The following ADSS2 variants were observed in gnomAD, a reference collection of about 807,000 sequenced individuals.
ADSS2 encodes the protein adenylosuccinate synthetase isozyme 2.
ADSS2 carries 30 observed loss-of-function variants against 60.0 expected under a neutral mutation model. The observed-to-expected ratio is 0.50, with a 90% CI of 0.37 to 0.68. ADSS2 has a LOEUF of 0.68. Among genes scored for constraint, ADSS2 ranks in the 30% least tolerant of loss-of-function variants. ADSS2 has a pLI of 0.00. For missense variants in ADSS2, 373 were observed against 554.8 expected, an observed-to-expected ratio of 0.67 and a Z score of 3.29; for synonymous variants, 187 against 193.1, an observed-to-expected ratio of 0.97 and a Z score of 0.26.
chr1:244,426,352 T>C (rs920619462), intron 4 of ADSS2, among the ~76,000 whole-genome samples: 7 of 152,202 alleles, frequency 4.6e-5, no homozygotes, highest in Admixed American at 1.3e-4. Flanking sequence ...CAGAAATTAA[T>C]TTAGTACCTT....
At chr1:244,445,782 T>A (rs1386488731) in intron 1 of ADSS2, among the ~76,000 whole-genome samples, 1 of 152,202 alleles carries the variant, frequency 6.6e-6, no homozygotes, top group African/African-American at 2.4e-5. Flanking sequence ...CAAGTGCATT[T>A]CTGCTGTGGT....
Position 244,443,975 on chromosome 1 carries a change from C to T in ADSS2, c.184-6207G>A, listed in dbSNP as rs918093100. On this transcript the variant is annotated intron_variant, in intron 1 of 12. Coordinates refer to ENST00000366535, the MANE Select transcript of ADSS2 (RefSeq NM_001126.5). ...TACTTCTGAAATATACCCTACCCCCCACCAACACCCCAAGAAACAAAAAAC... is the reference window on the plus strand; with the variant it reads ...TACTTCTGAAATATACCCTACCCCCTACCAACACCCCAAGAAACAAAAAAC... Among the ~76,000 whole-genome samples the T allele has an allele frequency of 6.6e-5, 10 of 152,294 alleles. No individual in the cohort carries two copies. In the South Asian group the frequency reaches 8.3e-4, roughly 13 times the overall value.
chr1:244,428,683 G>A (rs1485807462), intron 4 of ADSS2, among the ~76,000 whole-genome samples: 1 of 150,948 alleles, frequency 6.6e-6, no homozygotes, highest in Admixed American at 6.6e-5. Context: ...TTATTTTTTG[G>A]GGAAAAAAAA....
At chr1:244,432,510 G>A (rs752186497) in intron 4 of ADSS2, 35 bp downstream of exon 4, 3 of 1,404,120 alleles carry the variant, frequency 2.1e-6, no homozygotes, top group African/African-American at 1.5e-5. Flanking sequence ...CAGATAAAAA[G>A]ATAGTTACAA....
At chr1:244,411,213 C>T (rs891506738) in intron 12 of ADSS2, 74 bp downstream of exon 12, 221 of 1,387,252 alleles carry the variant, frequency 1.6e-4, no homozygotes, top group Non-Finnish European at 2.0e-4. Context: ...AGCGAGACTC[C>T]GTCTCAAAAA....
intron 1 of ADSS2, among the ~76,000 whole-genome samples, chr1:244,445,836 A>T (rs946743404): frequency 2.0e-5 from 3 of 152,202 alleles, no homozygotes; most frequent in African/African-American, 7.2e-5. Context: ...TGTAAACCTG[A>T]AACAATGGTC....
intron 10 of ADSS2, among the ~76,000 whole-genome samples, chr1:244,417,278 C>A (rs1664555077): frequency 6.6e-6 from 1 of 152,142 alleles, no homozygotes; most frequent in African/African-American, 2.4e-5. Context: ...ACATTAAGCC[C>A]ATGCGCGGAT....
At position 244,448,922 on chromosome 1, in the gene ADSS2, C is replaced by T. The variant is rs369876209; in HGVS notation, c.183+2713G>A. On this transcript the variant is annotated intron_variant, in intron 1 of 12. Coordinates refer to ENST00000366535, the MANE Select transcript of ADSS2 (RefSeq NM_001126.5). ...TTTGACTCCCAGGCTAAGTGATCCC[C>T]TGCAGATACTCAATGTTTACTAGAT... is the stretch of plus-strand genomic sequence containing the variant. Among the ~76,000 whole-genome samples the T allele has an allele frequency of 2.2e-4, 33 of 152,292 alleles. 1 individual carries two copies. Among genetic ancestry groups the T allele is most frequent in the African/African-American group, 7.7e-4 (32 of 41,574 alleles).
chr1:244,429,086 T>C (rs1664871312), intron 4 of ADSS2, among the ~76,000 whole-genome samples: 1 of 152,186 alleles, frequency 6.6e-6, no homozygotes, highest in Non-Finnish European at 1.5e-5. Flanking sequence ...AGCACTTAAA[T>C]TAGCTGTTGG....
At chr1:244,417,535 GA>G in intron 10 of ADSS2, 92 bp downstream of exon 10, 1 of 1,462,030 alleles carries the variant, frequency 6.8e-7, no homozygotes, top group Non-Finnish European at 9.3e-7. Context: ...TCTAAAGAGT[GA>G]AATTTTCCTA....
Position 244,451,824 on chromosome 1 carries a change from A to T in ADSS2, c.-7T>A, listed in dbSNP as rs1242302330. On this transcript the variant is annotated 5_prime_UTR_variant, in exon 1 of 13. Transcript: ENST00000366535. This position sits in a 1 kb window ranked among gnomAD's most constrained non-coding sequence, Gnocchi z 6.6. ...AGGTCTCGGCGAACGCCATGGCTCC[A>T]GTGACGCGAGGAGAGCCCGAAGGAG... 3.8e-6 allele frequency: 6 copies of T among 1,577,700 alleles called. No homozygotes were observed. Among genetic ancestry groups the T allele is most frequent in the African/African-American group, 1.3e-5 (1 of 74,182 alleles).
chr1:244,451,934 C>A, upstream of ADSS2: 2 of 1,119,514 alleles, frequency 1.8e-6, no homozygotes, highest in South Asian at 3.6e-5. This position sits in a 1 kb window ranked among gnomAD's most constrained non-coding sequence, Gnocchi z 6.6. Flanking sequence ...AGGCCGGCCC[C>A]GCCCCCGCCC....
chr1:244,417,547 T>G, intron 10 of ADSS2, 81 bp downstream of exon 10: 1 of 1,520,062 alleles, frequency 6.6e-7, no homozygotes. Context: ...AATTTTCCTA[T>G]TAAGGTACTC....
chr1:244,423,772 A>T (rs1664728277), intron 6 of ADSS2, among the ~76,000 whole-genome samples, 181 bp downstream of exon 6: 1 of 152,220 alleles, frequency 6.6e-6, no homozygotes, highest in Non-Finnish European at 1.5e-5. Context: ...ATATTTCATG[A>T]AGTTAATCTG....
At chr1:244,433,859 TAAAAAAAAAAAAAAAAA>T (rs35132231) in intron 3 of ADSS2, among the ~76,000 whole-genome samples, 1 of 94,964 alleles carries the variant, frequency 1.1e-5, no homozygotes, top group South Asian at 4.2e-4. Context: ...ACTCCATCTT[TAAAAAAAAAAAAAAAAA>T]AAAAAAAGGT....
rs868814571 is a variant in ADSS2, at chr1:244,415,218, A to G, written c.1168+763T>C. Among the ~76,000 whole-genome samples the G allele has an allele frequency of 1.4e-4, 21 of 152,328 alleles. 2 individuals are homozygous for G. Among genetic ancestry groups the G allele is most frequent in the Middle Eastern group, 6.8e-3 (2 of 294 alleles). ...ACTGTTCTTTTTGGTGTTTGAAGTT[A>G]TAACTCTTGAAATAGCTTTGTAAAT... On this transcript the variant is annotated intron_variant, in intron 11 of 12. Transcript: ENST00000366535.
chr1:244,426,223 C>G (rs545028139), intron 4 of ADSS2, among the ~76,000 whole-genome samples: 1 of 152,086 alleles, frequency 6.6e-6, no homozygotes, highest in Non-Finnish European at 1.5e-5. Context: ...ATTCTCATTT[C>G]TTTTGAATAA....
intron 3 of ADSS2, among the ~76,000 whole-genome samples, chr1:244,434,179 C>CAA (rs1220140337): frequency 4.2e-4 from 25 of 59,988 alleles, no homozygotes; most frequent in East Asian, 7.3e-4. Context: ...CCCATCTCTA[C>CAA]AAAAAAAAAA....
Position 244,422,817 on chromosome 1 carries a change from G to T in ADSS2, c.663+18C>A. The stretch of plus-strand genomic sequence containing the variant: ...AACAAGTATTAAAAAGAACATTAAA[G>T]ATGCCAGAAAGCATTACCTTGAGTT... On this transcript the variant is annotated intron_variant, in intron 7 of 12. Coordinates refer to ENST00000366535, the MANE Select transcript of ADSS2 (RefSeq NM_001126.5). The T allele has an allele frequency of 3.9e-6, 6 of 1,548,726 alleles. No homozygotes were observed. Among genetic ancestry groups the T allele is most frequent in the Non-Finnish European group, 5.3e-6 (6 of 1,123,746 alleles).
Sources: gnomAD v4.1 joint callset for allele counts (sites outside exome capture counted in the v4.1 genomes callset) on GRCh38, gnomAD v4.1.1 for gene constraint, Gnocchi (gnomAD v3.1) non-coding constraint, MANE v1.5 for transcripts, NCBI Gene and HGNC (gene_info 2026-07-23, HGNC 2026-07-21) for gene names.